Variants in FGF1 observed in about 807,000 individuals in gnomAD.
FGF1 encodes beta-endothelial cell growth factor.
In FGF1, 9 loss-of-function variants were observed where a neutral mutation model predicts 13.4. That is an observed-to-expected ratio of 0.67 (90% CI 0.40 to 1.17). FGF1 has a LOEUF of 1.17. Ranked by LOEUF, FGF1 falls within the 50% of genes most tolerant of loss-of-function variation. The pLI is 0.01. For synonymous variants in FGF1, 93 were observed against 79.0 expected (o/e 1.18, Z -0.94); for missense variants, 156 against 192.7 (o/e 0.81, Z 1.13).
At chr5:142,688,249 C>A (rs1226171348), upstream of FGF1, among the ~76,000 whole-genome samples, 1 of 152,276 alleles carries the variant, frequency 6.6e-6, no homozygotes, top group South Asian at 2.1e-4. Flanking sequence ...ATATAATTCC[C>A]GCCAATGTGG....
intron 1 of FGF1, among the ~76,000 whole-genome samples, chr5:142,666,937 A>C (rs1019956666): frequency 3.9e-5 from 6 of 152,032 alleles, no homozygotes; most frequent in Non-Finnish European, 7.4e-5. Flanking sequence ...AAACAAAAAC[A>C]AAAACAAAAA....
chr5:142,626,145 G>C (rs1212840889), intron 1 of FGF1, among the ~76,000 whole-genome samples: 1 of 151,896 alleles, frequency 6.6e-6, no homozygotes, highest in Admixed American at 6.6e-5. Context: ...AATTCTGTTA[G>C]GAAAGTATTT....
chr5:142,650,320 G>A (rs180831939), intron 1 of FGF1, among the ~76,000 whole-genome samples: 38 of 152,316 alleles, frequency 2.5e-4, no homozygotes, highest in African/African-American at 8.9e-4. Flanking sequence ...AGATAACATT[G>A]CAAAAGGTTC....
intron 1 of FGF1, among the ~76,000 whole-genome samples, chr5:142,621,923 C>G (rs888866872): frequency 3.3e-5 from 5 of 152,244 alleles, no homozygotes; most frequent in Admixed American, 2.6e-4. Context: ...ACTCTCAATT[C>G]CTCATGAAAG....
In FGF1 at chr5:142,664,908, A is replaced by C. The variant is rs10066712; in HGVS notation, c.-35+21049T>G. Among the ~76,000 whole-genome samples the C allele has an allele frequency of 6.1e-3, 936 of 152,340 alleles. 6 individuals carry two copies. Among genetic ancestry groups the C allele is most frequent in the African/African-American group, 0.021 (893 of 41,578 alleles). ...AGATTACAGTATTACCTAAACTCAT[A>C]GGGTTATTTTGAGGATAAAATGAGG... On this transcript the variant is annotated intron_variant, in intron 1 of 3. Transcript: ENST00000337706.
At position 142,640,431 on chromosome 5, in the gene FGF1, G is replaced by GT. The variant is rs1561638170; in HGVS notation, c.-34-26271_-34-26270insA. 1.3e-5 allele frequency among the ~76,000 whole-genome samples: 2 copies of GT among 149,874 alleles called. 1 individual carries two copies. Among genetic ancestry groups the GT allele is most frequent in the African/African-American group, 4.9e-5 (2 of 40,608 alleles). On this transcript the variant is annotated intron_variant, in intron 1 of 3. Coordinates refer to ENST00000337706, the MANE Select transcript of FGF1 (RefSeq NM_000800.5). The stretch of plus-strand genomic sequence containing the variant: ...CACCAGGAGGTGGAGTATGGTGGGG[G>GT]GGGGGGTCTCTCTGAGAAGCGGCAT...
At chr5:142,601,618 G>A (rs188992133) in intron 2 of FGF1, among the ~76,000 whole-genome samples, 2 of 151,354 alleles carry the variant, frequency 1.3e-5, no homozygotes, top group Admixed American at 1.3e-4. Context: ...TCACAGCTAG[G>A]GGGGGCGGGT....
chr5:142,694,697 G>A lies in FGF1; in HGVS notation c.-35+2925C>T, dbSNP rs1231076208. Among the ~76,000 whole-genome samples the A allele has an allele frequency of 2.6e-5, 4 of 152,256 alleles. No individual in the cohort carries two copies. The East Asian group carries it at 5.8e-4, about 22-fold the overall frequency. On this transcript the variant is annotated intron_variant, in intron 2 of 4. Transcript: ENST00000407758. The stretch of plus-strand genomic sequence containing the variant: ...ATAATGTACTGACCGGCAGCCCAAG[G>A]GGCAAGCTTAAATTCTAAAGCCTAC...
chr5:142,632,591 C>T (rs1037764216), intron 1 of FGF1, among the ~76,000 whole-genome samples: 1 of 152,148 alleles, frequency 6.6e-6, no homozygotes, highest in Non-Finnish European at 1.5e-5. Flanking sequence ...AGAGATTGTC[C>T]ATGATCATAT....
At chr5:142,688,747 C>T (rs115835434), upstream of FGF1, among the ~76,000 whole-genome samples, 1,829 of 152,320 alleles carry the variant, frequency 0.012, 34 homozygotes, top group African/African-American at 0.041. Flanking sequence ...CGTGGGCTTG[C>T]CCCGGAGTCA....
chr5:142,611,639 A>G (rs1319328083), intron 2 of FGF1, among the ~76,000 whole-genome samples: 2 of 152,216 alleles, frequency 1.3e-5, no homozygotes, highest in Middle Eastern at 3.2e-3. Context: ...ATCCAGTTCC[A>G]GTACTGACAG....
At chr5:142,686,516 T>G (rs1442089673), upstream of FGF1, 1 of 152,168 alleles carries the variant, frequency 6.6e-6, no homozygotes, top group Non-Finnish European at 1.5e-5. Context: ...AGCAGAATCC[T>G]GTTTATTTTG....
intron 1 of FGF1, among the ~76,000 whole-genome samples, chr5:142,619,703 C>G (rs17217170): frequency 1.3e-5 from 2 of 151,894 alleles, no homozygotes; most frequent in African/African-American, 4.8e-5. Flanking sequence ...CATGGTGGCG[C>G]ATGCCTGTAA....
At chr5:142,646,504 C>T (rs1427255423) in intron 1 of FGF1, among the ~76,000 whole-genome samples, 2 of 152,240 alleles carry the variant, frequency 1.3e-5, no homozygotes, top group East Asian at 1.9e-4. Flanking sequence ...AGGCCTGTGC[C>T]ACCACGCCCG....
intron 1 of FGF1, among the ~76,000 whole-genome samples, chr5:142,664,056 T>C (rs1012601855): frequency 1.3e-5 from 2 of 152,166 alleles, no homozygotes; most frequent in African/African-American, 4.8e-5. Flanking sequence ...AGGGTCCTGC[T>C]GAAGGGGTCA....
intron 3 of FGF1, 57 bp downstream of exon 3, chr5:142,600,645 A>G (rs1756312514): frequency 4.9e-6 from 6 of 1,232,714 alleles, no homozygotes; most frequent in Non-Finnish European, 7.2e-6. Flanking sequence ...ATGTAACAAG[A>G]TTTCTGGAAA....
At chr5:142,640,637 TCCA>T (rs1339169430) in intron 1 of FGF1, among the ~76,000 whole-genome samples, 3 of 152,010 alleles carry the variant, frequency 2.0e-5, no homozygotes, top group Non-Finnish European at 4.4e-5. Context: ...CTCGAAATAA[TCCA>T]CCAATTGAGG....
chr5:142,664,834 C>T (rs890855497), intron 1 of FGF1, among the ~76,000 whole-genome samples: 4 of 152,044 alleles, frequency 2.6e-5, no homozygotes, highest in African/African-American at 7.2e-5. Context: ...AAGATGTGGG[C>T]GAGGTGACGT....
intron 1 of FGF1, among the ~76,000 whole-genome samples, chr5:142,672,456 C>A (rs1267171478): frequency 6.6e-6 from 1 of 151,358 alleles, no homozygotes; most frequent in Non-Finnish European, 1.5e-5. Context: ...CATCCCTGCT[C>A]TGCTAACGTT....
Sources: allele counts gnomAD v4.1 joint callset (sites outside exome capture counted in the v4.1 genomes callset), GRCh38; gene constraint gnomAD v4.1.1; transcripts MANE v1.5; gene names NCBI Gene and HGNC (gene_info 2026-07-23, HGNC 2026-07-21).